The following ADAMTS20 variants were observed in gnomAD, a reference collection of about 807,000 sequenced individuals.
ADAMTS20 encodes ADAM metallopeptidase with thrombospondin type 1 motif 20.
ADAMTS20 carries 225 observed loss-of-function variants against 260.1 expected under a neutral mutation model. The observed-to-expected ratio is 0.87, with a 90% confidence interval of 0.78 to 0.97. The LOEUF (loss-of-function observed/expected upper bound fraction) is 0.97. Among genes scored for constraint, ADAMTS20 ranks in the 50% least tolerant of loss-of-function variants. The probability of loss-of-function intolerance (pLI) is 0.00; values close to 1 mark genes in which losing one functional copy is unlikely to be tolerated. For missense variants in ADAMTS20, 2,400 were observed against 2,337.7 expected (o/e 1.03, Z -0.55); for synonymous variants, 802 against 769.5 (o/e 1.04, Z -0.70).
chr12:43,421,901 G>A (rs1383428036), intron 28 of ADAMTS20, among the ~76,000 whole-genome samples: 12 of 151,900 alleles, frequency 7.9e-5, no homozygotes, highest in Admixed American at 7.9e-4. Flanking sequence ...TTAACAGTTT[G>A]TTATTTAAGA....
chr12:43,462,322 C>T (rs1362927658), intron 11 of ADAMTS20, among the ~76,000 whole-genome samples: 1 of 152,200 alleles, frequency 6.6e-6, no homozygotes, highest in Non-Finnish European at 1.5e-5. Flanking sequence ...CTGACTTCAT[C>T]CTCTCACAAG....
intron 29 of ADAMTS20, among the ~76,000 whole-genome samples, chr12:43,393,928 C>G (rs765387519): frequency 6.6e-6 from 1 of 152,014 alleles, no homozygotes; most frequent in South Asian, 2.1e-4. Context: ...TTTTAATCTG[C>G]AATATTAGCA....
At chr12:43,502,870 C>T (rs957167633) in intron 3 of ADAMTS20, among the ~76,000 whole-genome samples, 3 of 151,818 alleles carry the variant, frequency 2.0e-5, no homozygotes, top group Non-Finnish European at 4.4e-5. Context: ...ATACTACATG[C>T]GAAAAGCACC....
At chr12:43,415,415 T>A (rs1293128371) in intron 28 of ADAMTS20, among the ~76,000 whole-genome samples, 1 of 152,232 alleles carries the variant, frequency 6.6e-6, no homozygotes. Context: ...GAGTACAACT[T>A]TCTCAAGTAG....
chr12:43,418,198 G>A (rs561100357), intron 28 of ADAMTS20, among the ~76,000 whole-genome samples: 7 of 152,258 alleles, frequency 4.6e-5, no homozygotes, highest in African/African-American at 1.7e-4. Flanking sequence ...TAGTCTTTAA[G>A]GTGAAGAAAA....
intron 7 of ADAMTS20, among the ~76,000 whole-genome samples, chr12:43,483,828 C>T (rs1394133359): frequency 6.6e-6 from 1 of 152,148 alleles, no homozygotes; most frequent in Non-Finnish European, 1.5e-5. Flanking sequence ...TAGCCGCAGC[C>T]AGTTTTTACC....
At chr12:43,385,408 C>T (rs11182045) in intron 29 of ADAMTS20, among the ~76,000 whole-genome samples, 2,362 of 152,212 alleles carry the variant, frequency 0.016, 51 homozygotes, top group African/African-American at 0.053. Context: ...TGACTATTCA[C>T]GCTGATGATA....
intron 3 of ADAMTS20, among the ~76,000 whole-genome samples, chr12:43,529,663 T>C (rs1449744236): frequency 1.3e-5 from 2 of 151,410 alleles, no homozygotes; most frequent in African/African-American, 4.9e-5. Context: ...AGCGGGAGGG[T>C]AGGAGGGGGG....
chr12:43,408,943 G>A (rs1242580715), intron 28 of ADAMTS20, among the ~76,000 whole-genome samples: 1 of 152,092 alleles, frequency 6.6e-6, no homozygotes, highest in Non-Finnish European at 1.5e-5. Context: ...AGGTGGTTGT[G>A]AGATTAAATT....
chr12:43,399,107 A>AT lies in ADAMTS20; in HGVS notation c.4410dup (p.Ser1471IlefsTer11), dbSNP rs751225856. On this transcript the variant is annotated frameshift_variant, in exon 29 of 39. Transcript: ENST00000389420. LOFTEE classifies it high-confidence loss of function. ...GCTTTCCATGAAGGGCATCTGACAG[A>AT]TCTACAGGCTTTGTGAGTTGGAGGT... The AT allele has an allele frequency of 6.5e-7, 1 of 1,548,566 alleles. No individual in the cohort carries two copies. Among genetic ancestry groups the AT allele is most frequent in the African/African-American group, 1.4e-5 (1 of 72,898 alleles).
At chr12:43,427,204 A>C in intron 27 of ADAMTS20, 104 bp downstream of exon 27, 1 of 1,307,550 alleles carries the variant, frequency 7.6e-7, no homozygotes, top group Non-Finnish European at 1.0e-6. Flanking sequence ...TTCTTTTTCT[A>C]CATAGTATAG....
intron 23 of ADAMTS20, 54 bp from the exon 24 acceptor site, chr12:43,429,778 C>A (rs1941405320): frequency 1.7e-6 from 2 of 1,166,030 alleles, no homozygotes; most frequent in Non-Finnish European, 2.4e-6. Context: ...CTGATTTATA[C>A]AAAATCTAAT....
intron 29 of ADAMTS20, among the ~76,000 whole-genome samples, chr12:43,390,396 T>C (rs1940572343): frequency 1.3e-5 from 2 of 152,270 alleles, no homozygotes; most frequent in African/African-American, 4.8e-5. Context: ...TTTTTTCAAA[T>C]ATAAATAGGC....
At chr12:43,519,626 A>G (rs1256562368) in intron 3 of ADAMTS20, among the ~76,000 whole-genome samples, 1 of 152,140 alleles carries the variant, frequency 6.6e-6, no homozygotes, top group Non-Finnish European at 1.5e-5. Flanking sequence ...ACTTGTATGC[A>G]TCTTACCACT....
At chr12:43,544,211 T>C (rs921834240) in intron 2 of ADAMTS20, among the ~76,000 whole-genome samples, 2 of 152,180 alleles carry the variant, frequency 1.3e-5, no homozygotes, top group African/African-American at 4.8e-5. Flanking sequence ...CACAATTAAC[T>C]TAGGTATCAT....
At chr12:43,507,640 C>T (rs1177105247) in intron 3 of ADAMTS20, among the ~76,000 whole-genome samples, 2 of 152,132 alleles carry the variant, frequency 1.3e-5, no homozygotes, top group African/African-American at 4.8e-5. Context: ...ATTAAGAAAG[C>T]ACTATGGTTT....
intron 2 of ADAMTS20, among the ~76,000 whole-genome samples, chr12:43,542,388 G>A (rs1943388535): frequency 6.6e-6 from 1 of 152,004 alleles, no homozygotes; most frequent in South Asian, 2.1e-4. Flanking sequence ...TATCTAGAGG[G>A]ACATATGCCA....
Position 43,385,853 on chromosome 12 carries a change from G to A in ADAMTS20, c.4453-1876C>T, listed in dbSNP as rs535031012. Among the ~76,000 whole-genome samples the A allele has an allele frequency of 7.6e-4, 115 of 152,128 alleles. 1 individual carries two copies. The highest frequency in any genetic ancestry group is 2.7e-3 in the African/African-American group (113 of 41,486). ...CGGAATTTGTTATGGGTCTATTCAG[G>A]GATTTGACTTCTTCCTGGTTTAGTC... On this transcript the variant is annotated intron_variant, in intron 29 of 38. Transcript: ENST00000389420.
At chr12:43,447,030 A>ACACGAT (rs1479223253) in intron 14 of ADAMTS20, among the ~76,000 whole-genome samples, 1 of 152,036 alleles carries the variant, frequency 6.6e-6, no homozygotes, top group Non-Finnish European at 1.5e-5. Flanking sequence ...GCCCAGGATC[A>ACACGAT]CACGATTCCC....
Sources: allele counts gnomAD v4.1 joint callset (sites outside exome capture counted in the v4.1 genomes callset), GRCh38; gene constraint gnomAD v4.1.1; transcripts MANE v1.5; gene names NCBI Gene and HGNC (gene_info 2026-07-23, HGNC 2026-07-21).